Variants in CLNK observed in about 807,000 individuals in gnomAD.
The protein encoded by CLNK is cytokine-dependent hematopoietic cell linker.
Under a neutral mutation model 68.6 loss-of-function variants are expected in CLNK, and 74 were observed. The ratio of observed to expected loss-of-function variants is 1.08; its 90% CI spans 0.89 to 1.31. The LOEUF is 1.31. CLNK is among the 50% of genes most tolerant of loss of function. The pLI is 0.00. For synonymous variants in CLNK, 198 were observed against 172.2 expected (o/e 1.15, Z -1.17); for missense variants, 553 against 515.3 (o/e 1.07, Z -0.71).
chr4:10,550,353 G>T (rs961242433), intron 8 of CLNK, among the ~76,000 whole-genome samples: 4 of 152,084 alleles, frequency 2.6e-5, no homozygotes, highest in Admixed American at 2.6e-4. Flanking sequence ...CAATTAGCCG[G>T]GCGTGGTGGC....
chr4:10,578,699 G>A (rs1720669187), intron 4 of CLNK, among the ~76,000 whole-genome samples: 1 of 145,406 alleles, frequency 6.9e-6, no homozygotes, highest in African/African-American at 2.6e-5. Context: ...TGATTCTCCT[G>A]CCTCTCAGCC....
chr4:10,720,475 C>A, the CLNK span, among the ~76,000 whole-genome samples: 16 of 151,654 alleles, frequency 1.1e-4, no homozygotes, highest in African/African-American at 3.4e-4. Context: ...GACAAATGAG[C>A]GCATGAAATG....
intron 18 of CLNK, among the ~76,000 whole-genome samples, chr4:10,500,068 G>A (rs932390401): frequency 6.6e-6 from 1 of 152,140 alleles, no homozygotes; most frequent in Non-Finnish European, 1.5e-5. Context: ...ACTGAGACCT[G>A]GAGATGTTAA....
At chr4:10,713,310 T>G in the CLNK span, among the ~76,000 whole-genome samples, 20 of 152,270 alleles carry the variant, frequency 1.3e-4, no homozygotes, top group African/African-American at 4.8e-4. Context: ...TGTCCCACAC[T>G]CCACGAATTA....
chr4:10,536,259 C>T (rs1718756943), intron 11 of CLNK, among the ~76,000 whole-genome samples: 1 of 152,172 alleles, frequency 6.6e-6, no homozygotes, highest in Admixed American at 6.5e-5. Flanking sequence ...GCCTTACCAA[C>T]AGCTGGCAGA....
intron 11 of CLNK, among the ~76,000 whole-genome samples, chr4:10,537,307 A>G (rs1718797114): frequency 2.0e-5 from 3 of 152,088 alleles, no homozygotes; most frequent in Non-Finnish European, 2.9e-5. Context: ...GTAAAACCTC[A>G]TCTCTACTAA....
intron 2 of CLNK, among the ~76,000 whole-genome samples, chr4:10,604,828 T>C (rs1721726440): frequency 6.6e-6 from 1 of 152,234 alleles, no homozygotes; most frequent in East Asian, 1.9e-4. Context: ...GGTGTGATGG[T>C]TAATTTTGTG....
intron 18 of CLNK, among the ~76,000 whole-genome samples, 152 bp downstream of exon 18, chr4:10,501,104 G>A (rs781512963): frequency 6.6e-6 from 1 of 152,234 alleles, no homozygotes; most frequent in Non-Finnish European, 1.5e-5. Context: ...CAAAGTGTAA[G>A]ATGTGCAGAT....
intron 4 of CLNK, among the ~76,000 whole-genome samples, chr4:10,572,797 T>C (rs1318156287): frequency 1.3e-5 from 2 of 152,176 alleles, no homozygotes; most frequent in Non-Finnish European, 2.9e-5. Context: ...GCTCTGGCTT[T>C]ATCATTTTCC....
At position 10,645,962 on chromosome 4, in the gene CLNK, A is replaced by G. The variant is rs193186314; in HGVS notation, c.11+21897T>C. Among the ~76,000 whole-genome samples the G allele has an allele frequency of 1.0e-3, 158 of 152,296 alleles. 2 individuals are homozygous for G. Among genetic ancestry groups the G allele is most frequent in the African/African-American group, 3.6e-3 (150 of 41,570 alleles). On this transcript the variant is annotated intron_variant, in intron 2 of 18. Coordinates refer to ENST00000226951, the MANE Select transcript of CLNK (RefSeq NM_052964.4). ...AGTAGATGCCCATTATTTATTAAGG[A>G]AAAAGGGCAGCTACAAAAACATATG... is the stretch of plus-strand genomic sequence containing the variant.
chr4:10,670,575 G>A (rs1449822097), intron 1 of CLNK, among the ~76,000 whole-genome samples: 1 of 152,212 alleles, frequency 6.6e-6, no homozygotes, highest in African/African-American at 2.4e-5. Context: ...CTGCTTTCCA[G>A]CCCCAGCCCT....
chr4:10,666,347 A>G (rs999792489), intron 2 of CLNK, among the ~76,000 whole-genome samples: 1 of 152,186 alleles, frequency 6.6e-6, no homozygotes, highest in Non-Finnish European at 1.5e-5. Flanking sequence ...TGTCTATCCT[A>G]TAATGAAACT....
the CLNK span, among the ~76,000 whole-genome samples, chr4:10,694,677 G>A: frequency 2.6e-5 from 4 of 152,184 alleles, no homozygotes; most frequent in Admixed American, 6.5e-5. Context: ...ATCACCTAAC[G>A]ATGCATTTCT....
At chr4:10,663,558 T>G (rs948170377) in intron 2 of CLNK, among the ~76,000 whole-genome samples, 17 of 152,334 alleles carry the variant, frequency 1.1e-4, no homozygotes, top group Admixed American at 7.8e-4. Context: ...TACAATCATA[T>G]AAAAACATAT....
chr4:10,712,842 C>G, the CLNK span, among the ~76,000 whole-genome samples: 1 of 152,180 alleles, frequency 6.6e-6, no homozygotes, highest in Non-Finnish European at 1.5e-5. Flanking sequence ...CCAACTGATG[C>G]CCACCAGACA....
chr4:10,649,407 G>T (rs541790784), intron 2 of CLNK, among the ~76,000 whole-genome samples: 2 of 152,104 alleles, frequency 1.3e-5, no homozygotes, highest in African/African-American at 4.8e-5. Context: ...AACTGAAATC[G>T]CTTTCTCCTT....
intron 18 of CLNK, among the ~76,000 whole-genome samples, chr4:10,493,437 G>A (rs1350416524): frequency 6.6e-6 from 1 of 152,188 alleles, no homozygotes; most frequent in Non-Finnish European, 1.5e-5. Flanking sequence ...TTCAGGGTCT[G>A]GAGAGGCCCA....
intron 8 of CLNK, among the ~76,000 whole-genome samples, chr4:10,556,076 T>A (rs1475772802): frequency 6.6e-6 from 1 of 152,216 alleles, no homozygotes; most frequent in Non-Finnish European, 1.5e-5. Context: ...GTGGCCTCAG[T>A]TTACACTGGA....
intron 3 of CLNK, among the ~76,000 whole-genome samples, chr4:10,585,862 C>T (rs1324190303): frequency 5.9e-5 from 9 of 152,124 alleles, no homozygotes; most frequent in Admixed American, 5.2e-4. Flanking sequence ...TATTCAAAAA[C>T]AAAGTATTGA....
Sources: allele counts gnomAD v4.1 joint callset (sites outside exome capture counted in the v4.1 genomes callset), GRCh38; gene constraint gnomAD v4.1.1; transcripts MANE v1.5; gene names NCBI Gene and HGNC (gene_info 2026-07-23, HGNC 2026-07-21).